CNTN4: variants seen among roughly 807,000 people sequenced by gnomAD.
The protein encoded by CNTN4 is contactin 4, also known as contactin-4.
Under a neutral mutation model 122.5 loss-of-function variants are expected in CNTN4, and 77 were observed. The observed-to-expected ratio is 0.63, with a 90% CI of 0.52 to 0.76. The LOEUF is 0.76. Among genes scored for constraint, CNTN4 ranks in the 30% least tolerant of loss-of-function variants. The pLI is 0.00. For missense variants in CNTN4, 1,256 were observed against 1,259.1 expected (o/e 1.00, Z 0.04); for synonymous variants, 512 against 447.0 (o/e 1.15, Z -1.83).
At chr3:2,237,145 C>T (rs140091428) in intron 2 of CNTN4, among the ~76,000 whole-genome samples, 14 of 151,870 alleles carry the variant, frequency 9.2e-5, no homozygotes, top group African/African-American at 2.9e-4. Flanking sequence ...GTAAGAGGGA[C>T]GATCATACTA....
At chr3:2,274,424 T>C (rs2041421459) in intron 2 of CNTN4, among the ~76,000 whole-genome samples, 1 of 152,016 alleles carries the variant, frequency 6.6e-6, no homozygotes, top group Admixed American at 6.6e-5. Context: ...CCAGGAATCA[T>C]TCTAGACATT....
chr3:2,815,597 A>G (rs1036835997), intron 6 of CNTN4, among the ~76,000 whole-genome samples: 5 of 152,132 alleles, frequency 3.3e-5, no homozygotes, highest in African/African-American at 1.2e-4. Context: ...ATGTTGGTGT[A>G]GATGCAGTAA....
In CNTN4 at chr3:2,993,391, G is replaced by A. The variant is rs143124008; in HGVS notation, c.1486+4919G>A. 5.7e-3 allele frequency among the ~76,000 whole-genome samples: 853 copies of A among 149,730 alleles called. 4 individuals are homozygous for A. The highest frequency in any genetic ancestry group is 0.02 in the African/African-American group (797 of 40,714). The stretch of plus-strand genomic sequence containing the variant: ...CAGCTCACTGCAACCTTTGCCTCCC[G>A]GGCTCAAGCGATTCTCCTGCCTCAG... On this transcript the variant is annotated intron_variant, in intron 14 of 24. Coordinates refer to ENST00000418658, the MANE Select transcript of CNTN4 (RefSeq NM_175607.3).
Position 2,645,625 on chromosome 3 carries a change from TG to T in CNTN4, c.55+74068del, listed in dbSNP as rs546110462. 1.1e-4 allele frequency among the ~76,000 whole-genome samples: 17 copies of T among 152,358 alleles called. No homozygotes were observed. The East Asian group carries it at 3.3e-3, about 29-fold the overall frequency. The stretch of plus-strand genomic sequence containing the variant: ...CCTCAAAATTTTCTTTGCTGTAATT[TG>T]TTCAAGATGTTGCATTTAAAAATTG... On this transcript the variant is annotated intron_variant, in intron 4 of 24. Transcript: ENST00000418658.
chr3:2,159,371 G>T (rs2035860264), intron 2 of CNTN4, among the ~76,000 whole-genome samples: 1 of 152,060 alleles, frequency 6.6e-6, no homozygotes, highest in African/African-American at 2.4e-5. Flanking sequence ...AAAAAAAATT[G>T]TTAGGCATAA....
intron 3 of CNTN4, among the ~76,000 whole-genome samples, chr3:2,452,058 C>T (rs1031589446): frequency 1.3e-5 from 2 of 152,064 alleles, no homozygotes; most frequent in African/African-American, 4.8e-5. Flanking sequence ...AGGTACATGC[C>T]TAGGTGACAT....
intron 13 of CNTN4, among the ~76,000 whole-genome samples, chr3:2,938,806 C>A (rs968868782): frequency 6.6e-6 from 1 of 152,158 alleles, no homozygotes; most frequent in Non-Finnish European, 1.5e-5. Flanking sequence ...TAAATTAAGT[C>A]CTTGAACTAC....
chr3:2,866,042 T>C (rs1187527649), intron 7 of CNTN4, among the ~76,000 whole-genome samples: 3 of 152,174 alleles, frequency 2.0e-5, no homozygotes, highest in African/African-American at 7.2e-5. Flanking sequence ...AGTGTATACT[T>C]AATGAGTGTT....
At chr3:2,779,042 A>G (rs1165993578) in intron 6 of CNTN4, among the ~76,000 whole-genome samples, 1 of 152,210 alleles carries the variant, frequency 6.6e-6, no homozygotes, top group Non-Finnish European at 1.5e-5. Context: ...TTTCCTTCAG[A>G]TGATGAAATG....
intron 3 of CNTN4, among the ~76,000 whole-genome samples, chr3:2,344,461 G>A (rs1274882298): frequency 6.6e-6 from 1 of 151,932 alleles, no homozygotes; most frequent in African/African-American, 2.4e-5. Context: ...TGTATTTTTA[G>A]TAGAGATGGG....
chr3:2,677,739 G>A (rs1412407933), intron 4 of CNTN4, among the ~76,000 whole-genome samples: 1 of 152,016 alleles, frequency 6.6e-6, no homozygotes, highest in Non-Finnish European at 1.5e-5. Context: ...AGAAGTCAAA[G>A]TGAACTTTTA....
intron 2 of CNTN4, among the ~76,000 whole-genome samples, chr3:2,297,133 A>G (rs544342201): frequency 3.3e-5 from 5 of 152,178 alleles, no homozygotes; most frequent in Non-Finnish European, 7.3e-5. Context: ...TGGGTACTTT[A>G]AATGTCAACC....
chr3:2,433,771 T>G (rs1475478822), intron 3 of CNTN4, among the ~76,000 whole-genome samples: 1 of 152,346 alleles, frequency 6.6e-6, no homozygotes, highest in African/African-American at 2.4e-5. Flanking sequence ...ATTCAAGTCT[T>G]TAATCCATTT....
chr3:2,995,845 A>T (rs13326122), intron 14 of CNTN4, among the ~76,000 whole-genome samples: 65,189 of 151,998 alleles, frequency 0.43, 16,132 homozygotes, highest in African/African-American at 0.7. Flanking sequence ...AGAAAGTGCA[A>T]TCTCCATGGC....
intron 6 of CNTN4, among the ~76,000 whole-genome samples, chr3:2,799,445 CT>C (rs2092291152): frequency 6.6e-6 from 1 of 152,020 alleles, no homozygotes. Flanking sequence ...AGGTTTTCTT[CT>C]AGTATTTTTA....
intron 6 of CNTN4, among the ~76,000 whole-genome samples, chr3:2,749,300 A>C (rs975396339): frequency 2.0e-5 from 3 of 150,420 alleles, no homozygotes; most frequent in African/African-American, 7.3e-5. Context: ...AGCTGGGATT[A>C]CAGGCTCACA....
At chr3:2,781,716 A>ATTTT (rs59896254) in intron 6 of CNTN4, among the ~76,000 whole-genome samples, 5 of 85,952 alleles carry the variant, frequency 5.8e-5, no homozygotes, top group South Asian at 4.8e-4. Flanking sequence ...CTTTGGGTAA[A>ATTTT]TTTTTTTTTT....
intron 3 of CNTN4, among the ~76,000 whole-genome samples, chr3:2,363,391 A>G (rs941080624): frequency 9.2e-5 from 14 of 152,332 alleles, no homozygotes; most frequent in African/African-American, 2.9e-4. Context: ...AAAATGCCCT[A>G]GTAGGTTAAG....
chr3:2,331,274 A>T (rs1165813573), intron 2 of CNTN4, among the ~76,000 whole-genome samples: 6 of 152,146 alleles, frequency 3.9e-5, no homozygotes, highest in African/African-American at 1.4e-4. Context: ...TCTAGGATAT[A>T]GAGGCAGTTC....
Sources: gnomAD v4.1 joint callset for allele counts (sites outside exome capture counted in the v4.1 genomes callset) on GRCh38, gnomAD v4.1.1 for gene constraint, MANE v1.5 for transcripts, NCBI Gene and HGNC (gene_info 2026-07-23, HGNC 2026-07-21) for gene names.